NDST1: variants seen among roughly 807,000 people sequenced by gnomAD.
NDST1 encodes the protein bifunctional heparan sulfate N-deacetylase/N-sulfotransferase 1.
NDST1 carries 35 observed loss-of-function variants against 92.8 expected under a neutral mutation model. That is an observed-to-expected ratio of 0.38 (90% CI 0.29 to 0.50). The LOEUF is 0.50. Among genes scored for constraint, NDST1 ranks in the 20% least tolerant of loss-of-function variants. NDST1 has a pLI of 0.94. For missense variants in NDST1, 822 were observed against 1,182.7 expected (o/e 0.69, Z 4.47); for synonymous variants, 493 against 500.3 (o/e 0.99, Z 0.19).
At chr5:150,507,208 A>C (rs181134223), upstream of NDST1, among the ~76,000 whole-genome samples, 806 of 152,020 alleles carry the variant, frequency 5.3e-3, 3 homozygotes, top group Non-Finnish European at 8.6e-3. Context: ...GTGGTGTGAC[A>C]TGAGGAGCCT....
In NDST1 at chr5:150,528,317, G is replaced by T; in HGVS notation, c.1008+19G>T. On this transcript the variant is annotated intron_variant, in intron 3 of 14. Transcript: ENST00000261797. Reference sequence around the variant, plus strand: ...CGTGAAGGTATGGCCGGGGGTGCTAGACCGGGCAAGGCAGGTGGGGCCTGG... The same window carrying T: ...CGTGAAGGTATGGCCGGGGGTGCTATACCGGGCAAGGCAGGTGGGGCCTGG... 2 of 1,569,434 alleles carry T rather than the reference G, an allele frequency of 1.3e-6. No homozygotes were observed. Among genetic ancestry groups the T allele is most frequent in the South Asian group, 2.4e-5 (2 of 84,032 alleles).
In NDST1 at chr5:150,499,112, C is replaced by T. The variant is rs1425737159; in HGVS notation, c.-388+873C>T. The stretch of plus-strand genomic sequence containing the variant: ...GGAAGTTGGCCTCTACTGAGCTCCA[C>T]AGTGTGTTCTCTGTCCCTTTTAAGA... On this transcript the variant is annotated intron_variant, in intron 1 of 1. Coordinates refer to the NDST1 transcript ENST00000518299. Among the ~76,000 whole-genome samples the T allele has an allele frequency of 2.0e-5, 3 of 152,242 alleles. No individual in the cohort carries two copies. The East Asian group carries it at 5.8e-4, about 29-fold the overall frequency.
In NDST1 at chr5:150,556,275, A is replaced by C. The variant is rs1335091292; in HGVS notation, c.*2943A>C. The C allele has an allele frequency of 6.6e-6, 1 of 152,204 alleles. No homozygotes were observed. The highest frequency in any genetic ancestry group is 1.5e-5 in the Non-Finnish European group (1 of 68,052). The allele number at this position is 152,204 out of a possible 1,614,324, so 9.4% of individuals were successfully genotyped here. ...AGTGTCACCTGCAGCTGCCTCAGTC[A>C]TTCAGAGTTCCAGAGCCTTCTGTGG... On this transcript the variant is annotated 3_prime_UTR_variant, in exon 15 of 15. Transcript: ENST00000261797.
In NDST1 at chr5:150,535,738, G is replaced by C; in HGVS notation, c.1290G>C (p.Ala430=). ...GIPTDMGYAV[A]PHHSGVYPVH... ...CCACAGACATGGGGTATGCAGTGGC[G>C]CCCCACCACTCGGGCGTGTACCCCG... Residue 430 remains alanine (A), a synonymous_variant, in exon 6 of 15, where the codon GCG becomes GCC. Transcript: ENST00000261797. The C allele has an allele frequency of 6.2e-7, 1 of 1,614,196 alleles. No homozygotes were observed. Among genetic ancestry groups the C allele is most frequent in the Non-Finnish European group, 8.5e-7 (1 of 1,180,042 alleles).
intron 3 of NDST1, among the ~76,000 whole-genome samples, 188 bp from the exon 4 acceptor site, chr5:150,532,757 C>T (rs1204224717): frequency 1.3e-5 from 2 of 152,122 alleles, no homozygotes; most frequent in African/African-American, 4.8e-5. Flanking sequence ...GAACTCCTGA[C>T]CTCAAGTGAT....
At chr5:150,523,030 A>T (rs571396615) in intron 2 of NDST1, among the ~76,000 whole-genome samples, 1 of 152,188 alleles carries the variant, frequency 6.6e-6, no homozygotes, top group Non-Finnish European at 1.5e-5. Flanking sequence ...GCACTTGCGC[A>T]CTGGGCCCTG....
chr5:150,540,297 C>A, intron 8 of NDST1, 33 bp downstream of exon 8: 2 of 1,574,194 alleles, frequency 1.3e-6, no homozygotes, highest in Non-Finnish European at 1.7e-6. Flanking sequence ...CAGGTTGCTA[C>A]AGGGATGGAA....
chr5:150,535,794 A>G lies in NDST1; in HGVS notation c.1346A>G (p.Gln449Arg), dbSNP rs768818614. The G allele has an allele frequency of 6.2e-6, 10 of 1,614,200 alleles. No homozygotes were observed. Among genetic ancestry groups the G allele is most frequent in the Non-Finnish European group, 6.8e-6 (8 of 1,180,032 alleles). The change falls in exon 6 of 15, where the codon CAG (glutamine) becomes CGG (arginine). Residue 449 changes from glutamine (Q) to arginine (R), a missense_variant. Physicochemically the swap from Gln to Arg is conservative, Grantham distance 43 (BLOSUM62 1). Transcript: ENST00000261797. ...GTGCAGCTGTACGAGGCTTGGAAGC[A>G]GGTGTGGAGCATCCGCGTGACCAGC... ...VHVQLYEAWK[Q>R]VWSIRVTSTE... is the part of the protein sequence containing the mutation.
Position 150,521,536 on chromosome 5 carries a change from G to T in NDST1, c.282G>T (p.Ser94=). Residue 94 remains serine, a synonymous_variant, in exon 2 of 15, where the codon TCG becomes TCT. Coordinates refer to ENST00000261797, the MANE Select transcript of NDST1 (RefSeq NM_001543.5). The surrounding 1 kb of genome is among the most constrained non-coding windows in gnomAD (Gnocchi z 5.9). ...TGGTCTTTGTGGAGAGCCTCTACTCGCAACTGGGCCAGGAGGTGGTGGCCA... is the reference window on the plus strand; with the variant it reads ...TGGTCTTTGTGGAGAGCCTCTACTCTCAACTGGGCCAGGAGGTGGTGGCCA... ...LVLVFVESLY[S]QLGQEVVAIL... The T allele has an allele frequency of 1.2e-6, 2 of 1,613,938 alleles. No homozygotes were observed. The highest frequency in any genetic ancestry group is 2.2e-5 in the East Asian group (1 of 44,866).
chr5:150,499,741 A>C (rs1753151399), intron 1 of NDST1, among the ~76,000 whole-genome samples: 2 of 152,164 alleles, frequency 1.3e-5, no homozygotes, highest in Non-Finnish European at 2.9e-5. Context: ...GCGGCTTCTT[A>C]AGCTGCAGAT....
intron 1 of NDST1, among the ~76,000 whole-genome samples, chr5:150,514,983 C>T (rs549592966): frequency 1.4e-4 from 21 of 152,274 alleles, no homozygotes; most frequent in South Asian, 8.3e-4. Context: ...CTGTGTGTGC[C>T]GGGTGCTGGT....
intron 11 of NDST1, among the ~76,000 whole-genome samples, chr5:150,546,984 A>G (rs1755516001): frequency 6.6e-6 from 1 of 152,106 alleles, no homozygotes; most frequent in Admixed American, 6.5e-5. Context: ...TCATGGGGGA[A>G]CGTAGGGTAG....
At chr5:150,500,460 G>A (rs992582258) in intron 1 of NDST1, among the ~76,000 whole-genome samples, 3 of 152,150 alleles carry the variant, frequency 2.0e-5, no homozygotes, top group African/African-American at 7.3e-5. Context: ...CCCAGTTGTC[G>A]TGGCTGAGTG....
intron 14 of NDST1, chr5:150,552,474 GTTTTTGTTTT>G: frequency 6.1e-6 from 1 of 163,630 alleles, no homozygotes; most frequent in South Asian, 1.6e-4. Flanking sequence ...ACTTGCTTCT[GTTTTTGTTTT>G]GTTTTGTTTT....
rs575076947 is a variant in NDST1 at position 150,554,919 on chromosome 5, C to G, written c.*1587C>G. 1 of 152,896 alleles carries G rather than the reference C, an allele frequency of 6.5e-6. No homozygotes were observed. The highest frequency in any genetic ancestry group is 2.4e-5 in the African/African-American group (1 of 41,576). The allele number at this position is 152,896 out of a possible 1,614,324, so 9.5% of individuals were successfully genotyped here. A position where few individuals can be genotyped will look rare whatever the true frequency, so the allele number is the denominator to read the frequency against. On this transcript the variant is annotated 3_prime_UTR_variant, in exon 15 of 15. Transcript: ENST00000261797. ...GCCTCTCCCTGGCCCCCTCCAACTGCCAAATTCTGCTTCCCTCTGAACCCC... is the reference window on the plus strand; with the variant it reads ...GCCTCTCCCTGGCCCCCTCCAACTGGCAAATTCTGCTTCCCTCTGAACCCC...
At chr5:150,505,730 T>C (rs1753424239), upstream of NDST1, among the ~76,000 whole-genome samples, 1 of 152,168 alleles carries the variant, frequency 6.6e-6, no homozygotes, top group Admixed American at 6.5e-5. Context: ...TTTAGGAGGG[T>C]CTATGGAATC....
In NDST1 at chr5:150,535,006, C is replaced by T. The variant is rs759660579; in HGVS notation, c.1236C>T (p.Asn412=). The T allele has an allele frequency of 6.2e-7, 1 of 1,614,180 alleles. No individual in the cohort carries two copies. The change falls in exon 5 of 15, where the codon AAC becomes AAT. Residue 412 remains asparagine (N), a synonymous_variant. Transcript: ENST00000261797. Reference sequence around the variant, plus strand: ...TGTTGGCCGAGCAGATGGCCTTGAACAAGAAGTTCGCTGTCGTGAGTAAGA... The same window carrying T: ...TGTTGGCCGAGCAGATGGCCTTGAATAAGAAGTTCGCTGTCGTGAGTAAGA... ...QSVLAEQMAL[N]KKFAVEHGIP...
At chr5:150,545,539 AC>A (rs1755439702) in intron 11 of NDST1, 53 bp downstream of exon 11, 2 of 1,595,778 alleles carry the variant, frequency 1.3e-6, no homozygotes, top group Non-Finnish European at 1.7e-6. Context: ...GCTCCGTCTG[AC>A]ACTCAGTTAC....
At chr5:150,542,249 CCTT>C (rs1471982456) in intron 9 of NDST1, among the ~76,000 whole-genome samples, 1 of 152,300 alleles carries the variant, frequency 6.6e-6, no homozygotes, top group East Asian at 1.9e-4. Flanking sequence ...TCTATAGCCT[CCTT>C]CTCTTCTGGG....
Sources: gnomAD v4.1 joint callset for allele counts (sites outside exome capture counted in the v4.1 genomes callset) on GRCh38, gnomAD v4.1.1 for gene constraint, Gnocchi (gnomAD v3.1) non-coding constraint, MANE v1.5 for transcripts, NCBI Gene and HGNC (gene_info 2026-07-23, HGNC 2026-07-21) for gene names.